The following LDHB variants were observed in gnomAD, a reference collection of about 807,000 sequenced individuals.
LDHB encodes L-lactate dehydrogenase B chain.
Under a neutral mutation model 33.4 loss-of-function variants are expected in LDHB, and 18 were observed. The ratio of observed to expected loss-of-function variants is 0.54; its 90% CI spans 0.37 to 0.80. The LOEUF (loss-of-function observed/expected upper bound fraction) is 0.80, where lower values mean the gene tolerates loss of function less well. Ranked by LOEUF, LDHB falls within the 30% of genes least tolerant of loss-of-function variation. The pLI is 0.00. For missense variants in LDHB, 345 were observed against 407.9 expected, an observed-to-expected ratio of 0.85 and a Z score of 1.33; for synonymous variants, 121 against 140.6, an observed-to-expected ratio of 0.86 and a Z score of 0.98.
At chr12:21,642,968 C>A (rs1469108886) in intron 4 of LDHB, among the ~76,000 whole-genome samples, 1 of 152,194 alleles carries the variant, frequency 6.6e-6, no homozygotes, top group Non-Finnish European at 1.5e-5. Context: ...GTGACGCCTG[C>A]CTGAGGCACA....
intron 5 of LDHB, among the ~76,000 whole-genome samples, chr12:21,641,116 T>C (rs111767370): frequency 0.018 from 2,732 of 152,268 alleles, 79 homozygotes; most frequent in African/African-American, 0.062. Flanking sequence ...GAAAAATTGA[T>C]GAGGAGTCAG....
At chr12:21,643,219 T>G (rs1184032676) in intron 4 of LDHB, among the ~76,000 whole-genome samples, 1 of 152,234 alleles carries the variant, frequency 6.6e-6, no homozygotes, top group African/African-American at 2.4e-5. Context: ...ATGGGAAGTG[T>G]GAGAGATAAT....
chr12:21,657,113 G>A (rs1938872178), intron 1 of LDHB: 1 of 152,150 alleles, frequency 6.6e-6, no homozygotes, highest in Non-Finnish European at 1.5e-5. Context: ...GTGGGGACAA[G>A]TCTAGGACTT....
At chr12:21,651,209 T>A (rs1938679996) in intron 2 of LDHB, among the ~76,000 whole-genome samples, 1 of 152,188 alleles carries the variant, frequency 6.6e-6, no homozygotes, top group African/African-American at 2.4e-5. Context: ...CCCCTGCAGT[T>A]GTGTGCTCCA....
rs781010848 is a variant in LDHB, at chr12:21,654,559, A to C, written c.113T>G (p.Ile38Ser). The change falls in exon 2 of 8, where the codon ATC becomes AGC. Residue 38 changes from isoleucine to serine, a missense_variant. Coordinates refer to ENST00000350669, the MANE Select transcript of LDHB (RefSeq NM_002300.8). ...GAAATGTACCTTTCCCAGAATGCTG[A>C]TAGCACACGCCATACCAACTTGTCC... ...GVGQVGMACA[I>S]SILGKSLADE... 6.8e-6 allele frequency: 11 copies of C among 1,614,152 alleles called. 1 individual carries two copies. In the South Asian group the frequency reaches 1.2e-4, roughly 18 times the overall value.
intron 7 of LDHB, among the ~76,000 whole-genome samples, chr12:21,636,651 A>C (rs775698611): frequency 1.7e-4 from 26 of 152,140 alleles, no homozygotes; most frequent in Non-Finnish European, 2.1e-4. Context: ...TTAAAAAATC[A>C]TTAATTTCTA....
chr12:21,646,922 G>A lies in LDHB; in HGVS notation c.224C>T (p.Thr75Ile). The A allele has an allele frequency of 1.2e-6, 2 of 1,609,830 alleles. No homozygotes were observed. Among genetic ancestry groups the A allele is most frequent in the East Asian group, 2.2e-5 (1 of 44,828 alleles). The part of the protein sequence containing the change: ...DLQHGSLFLQ[T>I]PKIVADKDYS... ...ACCTTTATCTGCCACAATTTTAGGT[G>A]TCTGAAGAAATAAGCTCCCATGCTG... The change falls in exon 3 of 8, where the codon ACA (threonine) becomes ATA (isoleucine). Residue 75 changes from threonine (T) to isoleucine (I), a missense_variant. Transcript: ENST00000350669.
In LDHB at chr12:21,643,549, TTCTG is replaced by T. The variant is rs1168062428; in HGVS notation, c.421+382_421+385del. On this transcript the variant is annotated intron_variant, in intron 4 of 7. Transcript: ENST00000350669. ...TCTTTTCAAAGTTGATCTGTTTCAA[TTCTG>T]TATAATGGGATTTTCCAGAAAATAA... The T allele has an allele frequency of 2.7e-4, 56 of 207,066 alleles. 2 individuals carry two copies. The Admixed American group carries it at 2.9e-3, about 11-fold the overall frequency. 12.8% of individuals were successfully genotyped at this position (207,066 alleles called of 1,614,324 possible).
At chr12:21,636,794 T>A (rs1938229816) in intron 7 of LDHB, among the ~76,000 whole-genome samples, 1 of 152,090 alleles carries the variant, frequency 6.6e-6, no homozygotes, top group Non-Finnish European at 1.5e-5. Context: ...ATTCAAATGA[T>A]CAATACTTTA....
At chr12:21,654,352 T>A in intron 2 of LDHB, 191 bp downstream of exon 2, 1 of 599,750 alleles carries the variant, frequency 1.7e-6, no homozygotes, top group Non-Finnish European at 2.9e-6. Flanking sequence ...TATGGTCACA[T>A]AGGGAGAATA....
chr12:21,637,091 G>C lies in LDHB; in HGVS notation c.817C>G (p.Pro273Ala). The C allele has an allele frequency of 1.9e-6, 3 of 1,606,132 alleles. No individual in the cohort carries two copies. Among genetic ancestry groups the C allele is most frequent in the Non-Finnish European group, 2.6e-6 (3 of 1,174,030 alleles). The change falls in exon 7 of 8, where the codon CCC becomes GCC. Residue 273 changes from proline (P) to alanine (A), a missense_variant. Pro to Ala is a conservative substitution (Grantham distance 27). Transcript: ENST00000350669. ...SMLKNLSRIH[P>A]VSTMVKGMYG... ...CTTACCTTTACCATTGTTGACACGG[G>C]ATGAATCCTGGATAGATTTTTCAAC...
chr12:21,657,563 C>G (rs984180618), intron 1 of LDHB, 188 bp downstream of exon 1: 2 of 152,930 alleles, frequency 1.3e-5, no homozygotes, highest in Non-Finnish European at 2.9e-5. Context: ...TCCGCCAGGG[C>G]ACGGCCCCCC....
intron 3 of LDHB, among the ~76,000 whole-genome samples, chr12:21,645,369 C>T (rs1243445205): frequency 6.6e-6 from 1 of 152,118 alleles, no homozygotes; most frequent in Non-Finnish European, 1.5e-5. Flanking sequence ...GACTGTCCCC[C>T]AGCCCGACAC....
rs74066775 is a variant in LDHB, at chr12:21,639,998, A to G, written c.596-1528T>C. 1.5e-3 allele frequency among the ~76,000 whole-genome samples: 230 copies of G among 152,176 alleles called. 1 individual carries two copies. Among genetic ancestry groups the G allele is most frequent in the African/African-American group, 5.2e-3 (216 of 41,574 alleles). On this transcript the variant is annotated intron_variant, in intron 5 of 7. Transcript: ENST00000350669. ...AAAATTGCATTTCAAACTCCCACTG[A>G]ATTCAAAGGAAGATTTATACTCTGA...
chr12:21,652,528 C>T (rs887520044), intron 2 of LDHB, among the ~76,000 whole-genome samples: 3 of 152,176 alleles, frequency 2.0e-5, no homozygotes, highest in Non-Finnish European at 4.4e-5. Flanking sequence ...GAACAGTGAG[C>T]GTGAAATTGT....
chr12:21,645,799 C>CGCCG (rs940363956), intron 3 of LDHB, among the ~76,000 whole-genome samples: 1 of 151,674 alleles, frequency 6.6e-6, no homozygotes, highest in African/African-American at 2.4e-5. Context: ...GTGGGTCCTC[C>CGCCG]GTATGCTGAG....
intron 2 of LDHB, among the ~76,000 whole-genome samples, chr12:21,647,723 G>A (rs1257840409): frequency 2.0e-5 from 3 of 151,882 alleles, no homozygotes; most frequent in Non-Finnish European, 2.9e-5. Flanking sequence ...CTCCGTTGCC[G>A]AGGCTGGAGT....
At chr12:21,654,481 C>A in intron 2 of LDHB, 62 bp downstream of exon 2, 1 of 1,507,402 alleles carries the variant, frequency 6.6e-7, no homozygotes, top group African/African-American at 1.4e-5. Flanking sequence ...TTCCAAGGTG[C>A]CCAAAGAAAC....
At chr12:21,635,890 A>C (rs754641050) in intron 7 of LDHB, among the ~76,000 whole-genome samples, 181 bp from the exon 8 acceptor site, 4 of 152,142 alleles carry the variant, frequency 2.6e-5, no homozygotes, top group Non-Finnish European at 5.9e-5. Flanking sequence ...AAAGGGGGGA[A>C]AAAAGAGAAT....
Sources: gnomAD v4.1 joint callset for allele counts (sites outside exome capture counted in the v4.1 genomes callset) on GRCh38, gnomAD v4.1.1 for gene constraint, MANE v1.5 for transcripts, NCBI Gene and HGNC (gene_info 2026-07-23, HGNC 2026-07-21) for gene names.